The following ERV3-1 variants were observed in gnomAD, a reference collection of about 807,000 sequenced individuals.
The protein encoded by ERV3-1 is endogenous retrovirus group 3 member 1 Env polyprotein.
In ERV3-1, 36 loss-of-function variants were observed where a neutral mutation model predicts 24.6. The ratio of observed to expected loss-of-function variants is 1.47; its 90% CI spans 1.12 to 1.94. ERV3-1 has a LOEUF of 1.94. Ranked by LOEUF, ERV3-1 falls within the 30% of genes most tolerant of loss-of-function variation. ERV3-1 has a pLI of 0.00. For synonymous variants in ERV3-1, 211 were observed against 122.6 expected, an observed-to-expected ratio of 1.72 and a Z score of -4.76; for missense variants, 578 against 330.9, an observed-to-expected ratio of 1.75 and a Z score of -5.79.
At chr7:64,999,404 T>A (rs1187270169) in intron 1 of ERV3-1, among the ~76,000 whole-genome samples, 2 of 152,188 alleles carry the variant, frequency 1.3e-5, no homozygotes, top group Non-Finnish European at 2.9e-5. Context: ...TTTATTTAGG[T>A]GACCACCAGC....
In ERV3-1 at chr7:64,992,370, C is replaced by T. The variant is rs138493687; in HGVS notation, c.657G>A (p.Pro219=). 2.8e-4 allele frequency: 211 copies of T among 766,386 alleles called. No homozygotes were observed. The highest frequency in any genetic ancestry group is 4.5e-4 in the Middle Eastern group (2 of 4,440). 47.5% of individuals were successfully genotyped at this position (766,386 alleles called of 1,614,324 possible). A position where few individuals can be genotyped will look rare whatever the true frequency, so the allele number is the denominator to read the frequency against. The change falls in exon 2 of 2, where the codon CCG becomes CCA. Residue 219 remains proline, a synonymous_variant. Coordinates refer to ENST00000394323, the MANE Select transcript of ERV3-1 (RefSeq NM_001007253.4). ...QPIWTTGLKA[P]LGARVSGEEI... ...CTTCACCGCTGACTCGTGCCCCTAGCGGTGCTTTTAAACCTGTTGTCCATA... is the reference window on the plus strand; with the variant it reads ...CTTCACCGCTGACTCGTGCCCCTAGTGGTGCTTTTAAACCTGTTGTCCATA...
Position 64,992,091 on chromosome 7 carries a change from CATTAG to C in ERV3-1, c.931_935del (p.Leu311AlafsTer4), listed in dbSNP as rs1245903949. The stretch of plus-strand genomic sequence containing the variant: ...CGGTTAGTGTGAAATTATCTTGGGG[CATTAG>C]TTCCCTTGCTTCCCATGGCCATTGG... On this transcript the variant is annotated frameshift_variant, in exon 2 of 2. Transcript: ENST00000394323. LOFTEE classifies it high-confidence loss of function. 2.6e-6 allele frequency: 2 copies of C among 766,366 alleles called. No individual in the cohort carries two copies. Among genetic ancestry groups the C allele is most frequent in the East Asian group, 4.9e-5 (2 of 41,236 alleles). 47.5% of individuals were successfully genotyped at this position (766,366 alleles called of 1,614,324 possible).
intron 1 of ERV3-1, among the ~76,000 whole-genome samples, chr7:64,994,989 G>C (rs1010812165): frequency 2.0e-5 from 3 of 152,238 alleles, no homozygotes; most frequent in Non-Finnish European, 4.4e-5. Flanking sequence ...TCCTCGACTG[G>C]AGAATACCTC....
At chr7:64,996,405 T>C (rs572847243) in intron 1 of ERV3-1, among the ~76,000 whole-genome samples, 1 of 152,324 alleles carries the variant, frequency 6.6e-6, no homozygotes, top group East Asian at 1.9e-4. Flanking sequence ...AGGTGGCTTG[T>C]CTTCAGCCCA....
Position 65,002,100 on chromosome 7 carries a change from G to A in ERV3-1, c.-389+4441C>T, listed in dbSNP as rs1428524319. On this transcript the variant is annotated intron_variant, in intron 1 of 1. Coordinates refer to ENST00000394323, the MANE Select transcript of ERV3-1 (RefSeq NM_001007253.4). ...TGTATAGGACAAAGAAAAGACGTGG[G>A]GAAAGATGAAGCACATAGATAATCC... Among the ~76,000 whole-genome samples, 3 of 152,090 alleles carry A rather than the reference G, an allele frequency of 2.0e-5. No homozygotes were observed. In the East Asian group the frequency reaches 5.8e-4, roughly 29 times the overall value.
In ERV3-1 at chr7:64,991,743, T is replaced by G; in HGVS notation, c.1284A>C (p.Gln428His). The G allele has an allele frequency of 1.3e-6, 1 of 765,906 alleles. No homozygotes were observed. Among genetic ancestry groups the G allele is most frequent in the Non-Finnish European group, 2.4e-6 (1 of 417,774 alleles). The allele number at this position is 765,906 out of a possible 1,614,324, so 47.4% of individuals were successfully genotyped here. ...AGGCCCCTGACCATTTAGCTGGCAG[T>G]TGTCGATATGCTTGTGGCCCACAGA... ...YWICGPQAYR[Q>H]LPAKWSGACV... Residue 428 changes from glutamine (Q) to histidine (H), a missense_variant, in exon 2 of 2, where the codon CAA becomes CAC. Gln to His is a conservative substitution (Grantham distance 24, BLOSUM62 0). Transcript: ENST00000394323.
intron 1 of ERV3-1, among the ~76,000 whole-genome samples, chr7:65,001,346 G>A (rs1341087889): frequency 6.6e-6 from 1 of 152,200 alleles, no homozygotes; most frequent in Non-Finnish European, 1.5e-5. Context: ...TTGGTGGAGA[G>A]AACAGGTTGC....
intron 1 of ERV3-1, among the ~76,000 whole-genome samples, chr7:65,002,076 G>A (rs914593234): frequency 4.6e-5 from 7 of 152,160 alleles, no homozygotes; most frequent in Non-Finnish European, 1.5e-5. Context: ...TGGAAAAAAT[G>A]TATAGGACAA....
chr7:65,002,019 T>C (rs567195214), intron 1 of ERV3-1, among the ~76,000 whole-genome samples: 1 of 152,202 alleles, frequency 6.6e-6, no homozygotes. Flanking sequence ...AATACTGTAG[T>C]TATGTTTACC....
intron 1 of ERV3-1, among the ~76,000 whole-genome samples, chr7:64,993,619 T>A (rs1421786070): frequency 1.3e-5 from 2 of 152,194 alleles, no homozygotes; most frequent in African/African-American, 4.8e-5. Flanking sequence ...ATTTGCCTCC[T>A]TAAAGTTAAT....
chr7:64,996,498 T>C (rs956007104), intron 1 of ERV3-1, among the ~76,000 whole-genome samples: 2 of 152,210 alleles, frequency 1.3e-5, no homozygotes, highest in African/African-American at 2.4e-5. Context: ...CTGTACTTCA[T>C]GTATAGTCTC....
intron 1 of ERV3-1, among the ~76,000 whole-genome samples, chr7:64,998,563 T>C (rs1203946130): frequency 1.3e-5 from 2 of 152,180 alleles, no homozygotes; most frequent in East Asian, 1.9e-4. Flanking sequence ...TTAACATACA[T>C]TCTAATGGGA....
chr7:64,992,551 T>C lies in ERV3-1; in HGVS notation c.476A>G (p.Asp159Gly), dbSNP rs73365370. The C allele has an allele frequency of 3.9e-6, 3 of 766,278 alleles. No homozygotes were observed. Among genetic ancestry groups the C allele is most frequent in the African/African-American group, 3.4e-5 (2 of 59,088 alleles). The allele number at this position is 766,278 out of a possible 1,614,324, so 47.5% of individuals were successfully genotyped here. Reference sequence around the variant, plus strand: ...GTCCCAGCAAGTTGTTACTGGGGAATCGGTGGAACAAGCAGGGTGTGCATA... The same window carrying C: ...GTCCCAGCAAGTTGTTACTGGGGAACCGGTGGAACAAGCAGGGTGTGCATA... ...NRYAHPACST[D>G]SPVTTCWDCT... is the part of the protein sequence containing the mutation. Residue 159 changes from aspartate (D) to glycine (G), a missense_variant, in exon 2 of 2, where the codon GAT (aspartate) becomes GGT (glycine). Coordinates refer to ENST00000394323, the MANE Select transcript of ERV3-1 (RefSeq NM_001007253.4).
At chr7:65,003,801 C>A (rs1786573639) in intron 1 of ERV3-1, 1 of 152,120 alleles carries the variant, frequency 6.6e-6, no homozygotes, top group Admixed American at 6.5e-5. Flanking sequence ...AGTTTCCTCT[C>A]ATAAAATTTA....
chr7:64,991,433 C>A lies in ERV3-1; in HGVS notation c.1594G>T (p.Ala532Ser). 1.4e-6 allele frequency: 1 copy of A among 704,058 alleles called. No individual in the cohort carries two copies. The highest frequency in any genetic ancestry group is 1.5e-5 in the South Asian group (1 of 67,604). 43.6% of individuals were successfully genotyped at this position (704,058 alleles called of 1,614,324 possible). A position where few individuals can be genotyped will look rare whatever the true frequency, so the allele number is the denominator to read the frequency against. ...LEIITNETAGALNLLAQQATK... is the reference protein window; with the variant it reads ...LEIITNETAGSLNLLAQQATK... ...GCTTGCTGGGCAAGCAGATTCAAGG[C>A]CCCTGCAGTTTCATTGGTAATGATT... is the stretch of plus-strand genomic sequence containing the variant. The change falls in exon 2 of 2, where the codon GCC becomes TCC. Residue 532 changes from alanine (A) to serine (S), a missense_variant. Coordinates refer to ENST00000394323, the MANE Select transcript of ERV3-1 (RefSeq NM_001007253.4).
At position 64,992,442 on chromosome 7, in the gene ERV3-1, G is replaced by C. The variant is rs1208349202; in HGVS notation, c.585C>G (p.Ser195Arg). The C allele has an allele frequency of 1.3e-6, 1 of 766,372 alleles. No homozygotes were observed. The highest frequency in any genetic ancestry group is 2.4e-5 in the East Asian group (1 of 41,238). 47.5% of individuals were successfully genotyped at this position (766,372 alleles called of 1,614,324 possible). A position where few individuals can be genotyped will look rare whatever the true frequency, so the allele number is the denominator to read the frequency against. The change falls in exon 2 of 2, where the codon AGC (serine) becomes AGG (arginine). Residue 195 changes from serine to arginine, a missense_variant. Physicochemically the swap from Ser to Arg is moderately radical, Grantham distance 110. Transcript: ENST00000394323. ...KIPLEPDCKT[S>R]TCNSVNLTIL... The stretch of plus-strand genomic sequence containing the variant: ...TGGTAAGATTTACAGAATTGCAAGT[G>C]CTTGTTTTACAATCTGGTTCTAATG...
intron 1 of ERV3-1, among the ~76,000 whole-genome samples, chr7:64,997,315 T>C (rs1373954166): frequency 3.3e-5 from 5 of 152,180 alleles, no homozygotes; most frequent in Admixed American, 3.3e-4. Context: ...CGTGAAACAC[T>C]CTAGCTTTTG....
At position 64,990,997 on chromosome 7, in the gene ERV3-1, T is replaced by TAA; in HGVS notation, c.*214_*215insTT. ...ATTTACTTCAAGAGGAAGTAGCTCTTTTCTTGGCAGGGGTTAATACTTAGT... is the reference window on the plus strand; with the variant it reads ...ATTTACTTCAAGAGGAAGTAGCTCTTAATTCTTGGCAGGGGTTAATACTTAGT... On this transcript the variant is annotated 3_prime_UTR_variant, in exon 2 of 2. Transcript: ENST00000394323. 1 of 413,260 alleles carries TAA rather than the reference T, an allele frequency of 2.4e-6. No homozygotes were observed. Among genetic ancestry groups the TAA allele is most frequent in the Non-Finnish European group, 4.3e-6 (1 of 233,374 alleles). 25.6% of individuals were successfully genotyped at this position (413,260 alleles called of 1,614,324 possible). A position where few individuals can be genotyped will look rare whatever the true frequency, so the allele number is the denominator to read the frequency against.
intron 1 of ERV3-1, among the ~76,000 whole-genome samples, chr7:64,999,977 T>C (rs1295810671): frequency 6.6e-6 from 1 of 152,166 alleles, no homozygotes; most frequent in Non-Finnish European, 1.5e-5. Context: ...TCAACCATTG[T>C]GAAAAGAATT....
Sources: allele counts gnomAD v4.1 joint callset (sites outside exome capture counted in the v4.1 genomes callset), GRCh38; gene constraint gnomAD v4.1.1; transcripts MANE v1.5; gene names NCBI Gene and HGNC (gene_info 2026-07-23, HGNC 2026-07-21).